ZC3H4: variants seen among roughly 807,000 people sequenced by gnomAD.
ZC3H4 encodes zinc finger CCCH domain-containing protein 4.
A neutral mutation model predicts 108.3 loss-of-function variants in ZC3H4; 13 were observed. That is an observed-to-expected ratio of 0.12 (90% CI 0.08 to 0.19). The LOEUF (loss-of-function observed/expected upper bound fraction) is 0.19, where lower values mean the gene tolerates loss of function less well. Ranked by LOEUF, ZC3H4 falls within the 10% of genes least tolerant of loss-of-function variation. ZC3H4 has a pLI of 1.00. For synonymous variants in ZC3H4, 917 were observed against 749.6 expected (o/e 1.22, Z -3.65); for missense variants, 1,734 against 1,838.8 (o/e 0.94, Z 1.04).
Position 47,066,296 on chromosome 19 carries a change from G to A in ZC3H4, c.*60C>T. ...CCCTTGCCCCCAAGTTCCCTACCCT[G>A]GGTGCTGCCCTGAATGCCACCCTAG... On this transcript the variant is annotated 3_prime_UTR_variant, in exon 15 of 15. Coordinates refer to ENST00000253048, the MANE Select transcript of ZC3H4 (RefSeq NM_015168.2). 7.2e-7 allele frequency: 1 copy of A among 1,389,954 alleles called. No individual in the cohort carries two copies. The highest frequency in any genetic ancestry group is 1.6e-5 in the South Asian group (1 of 61,826). 86.1% of individuals were successfully genotyped at this position (1,389,954 alleles called of 1,614,324 possible).
intron 4 of ZC3H4, among the ~76,000 whole-genome samples, chr19:47,091,386 C>G (rs1350169181): frequency 3.9e-5 from 6 of 151,968 alleles, no homozygotes; most frequent in Non-Finnish European, 7.4e-5. Context: ...GCCTGGCCAA[C>G]ATGGTGAAAC....
In ZC3H4 at chr19:47,085,086, A is replaced by G. The variant is rs774685479; in HGVS notation, c.1077T>C (p.Asp359=). ...TGTCCTCGTCATAGAAGTCTTCGTCATCGTTCATTCCGCCCTTGTTCATCC... is the reference window on the plus strand; with the variant it reads ...TGTCCTCGTCATAGAAGTCTTCGTCGTCGTTCATTCCGCCCTTGTTCATCC... The part of the protein sequence containing the change: ...RGGMNKGGMN[D]DEDFYDEDMG... The change falls in exon 8 of 15, where the codon GAT becomes GAC. Residue 359 remains aspartate (D), a synonymous_variant. Transcript: ENST00000253048. 130 of 1,614,082 alleles carry G rather than the reference A, an allele frequency of 8.1e-5. No individual in the cohort carries two copies. Among genetic ancestry groups the G allele is most frequent in the Non-Finnish European group, 1.1e-4 (126 of 1,180,034 alleles).
At chr19:47,089,737 G>A (rs894048308) in intron 5 of ZC3H4, among the ~76,000 whole-genome samples, 4 of 152,118 alleles carry the variant, frequency 2.6e-5, no homozygotes, top group Admixed American at 1.3e-4. Flanking sequence ...GTGACCTTTC[G>A]GGCACGCTGG....
chr19:47,094,646 T>C, intron 2 of ZC3H4, 38 bp from the exon 3 acceptor site: 1 of 1,607,400 alleles, frequency 6.2e-7, no homozygotes, highest in South Asian at 1.1e-5. Context: ...AACACAGGGT[T>C]TGAGAGGAGA....
intron 2 of ZC3H4, among the ~76,000 whole-genome samples, chr19:47,109,032 A>G (rs998727702): frequency 6.6e-6 from 1 of 152,212 alleles, no homozygotes; most frequent in South Asian, 2.1e-4. Context: ...ATAAAAATGT[A>G]AAAGTTTGTA....
Position 47,081,497 on chromosome 19 carries a change from T to C in ZC3H4, c.1440+16A>G, listed in dbSNP as rs774246055. ...CAGTTCCTGTAGCCGGGGGCCCCGT[T>C]ACCCCCGGACATTACCTTATCCAAG... On this transcript the variant is annotated intron_variant, in intron 11 of 14. Transcript: ENST00000253048. 1.2e-6 allele frequency: 2 copies of C among 1,611,604 alleles called. No homozygotes were observed. Among genetic ancestry groups the C allele is most frequent in the South Asian group, 2.2e-5 (2 of 91,010 alleles).
chr19:47,108,091 T>G (rs1326378812), intron 2 of ZC3H4, among the ~76,000 whole-genome samples: 1 of 152,246 alleles, frequency 6.6e-6, no homozygotes, highest in African/African-American at 2.4e-5. Context: ...AGGCTGCTCC[T>G]ACAGTCTCTG....
In ZC3H4 at chr19:47,066,455, A is replaced by G. The variant is rs761434670; in HGVS notation, c.3813T>C (p.Phe1271=). 3.8e-6 allele frequency: 6 copies of G among 1,580,372 alleles called. No homozygotes were observed. The highest frequency in any genetic ancestry group is 4.3e-6 in the Non-Finnish European group (5 of 1,163,830). Residue 1271 remains phenylalanine (F), a synonymous_variant, in exon 15 of 15, where the codon TTT becomes TTC. Transcript: ENST00000253048. The stretch of plus-strand genomic sequence containing the variant: ...CCTCGCGGGCCGGACTGTTCCCAGC[A>G]AATGGGCTTCCTGAGCCCGTCTTGG... ...QTPKTGSGSP[F]AGNSPAREGE...
At chr19:47,112,287 C>G (rs902420403) in intron 2 of ZC3H4, 137 bp downstream of exon 2, 17 of 1,122,364 alleles carry the variant, frequency 1.5e-5, no homozygotes, top group East Asian at 3.2e-5. Context: ...CGAGAGACAC[C>G]CACCGACCCC....
At position 47,072,201 on chromosome 19, in the gene ZC3H4, G is replaced by A; in HGVS notation, c.1803-80C>T. On this transcript the variant is annotated intron_variant, in intron 12 of 14. Transcript: ENST00000253048. The surrounding 1 kb of genome is among the most constrained non-coding windows in gnomAD (Gnocchi z 5.6). ...CACCCCAGAGGAGAGGCGGAGGGCT[G>A]CAGAGCCGAAGGTCATGGGCCCCAG... The A allele has an allele frequency of 4.9e-6, 7 of 1,419,294 alleles. No homozygotes were observed. In the South Asian group the frequency reaches 1.0e-4, roughly 20 times the overall value. The allele number at this position is 1,419,294 out of a possible 1,614,324, so 87.9% of individuals were successfully genotyped here.
intron 11 of ZC3H4, among the ~76,000 whole-genome samples, chr19:47,079,566 G>A (rs1479477081): frequency 7.2e-6 from 1 of 139,458 alleles, no homozygotes; most frequent in African/African-American, 3.3e-5. Flanking sequence ...TGCTTCCCCT[G>A]TCAAACAGCT....
chr19:47,069,374 C>T (rs940743262), intron 13 of ZC3H4, 31 bp from the exon 14 acceptor site: 20 of 1,599,488 alleles, frequency 1.3e-5, no homozygotes, highest in South Asian at 3.4e-5. Flanking sequence ...GGGTTCATGT[C>T]GGGAAGGGCC....
intron 2 of ZC3H4, among the ~76,000 whole-genome samples, chr19:47,106,479 G>A (rs1392770580): frequency 1.3e-5 from 2 of 152,198 alleles, no homozygotes; most frequent in African/African-American, 2.4e-5. Flanking sequence ...CAAAGCTTTT[G>A]GCTCTGGAGT....
intron 2 of ZC3H4, among the ~76,000 whole-genome samples, chr19:47,111,907 G>A (rs2058044155): frequency 6.6e-6 from 1 of 152,104 alleles, no homozygotes; most frequent in Admixed American, 6.5e-5. Flanking sequence ...CCGGGGGCTG[G>A]GAGACCCCCA....
In ZC3H4 at chr19:47,066,911, A is replaced by T. The variant is rs2057214610; in HGVS notation, c.3357T>A (p.Ala1119=). Residue 1119 remains alanine, a synonymous_variant, in exon 15 of 15, where the codon GCT becomes GCA. Transcript: ENST00000253048. ...CCGCCAGCACGCGGGGGTCGTAGGG[A>T]GCGGTGGCTGGTGGGGAGGCATCCC... The part of the protein sequence containing the change: ...PSGDASPPAT[A]PYDPRVLAAG... 15 of 1,596,234 alleles carry T rather than the reference A, an allele frequency of 9.4e-6. No homozygotes were observed. The highest frequency in any genetic ancestry group is 1.3e-5 in the African/African-American group (1 of 74,630).
At chr19:47,107,643 C>CGTTCAGCAAACTATGCTCTCAGCAAACTA (rs2057983847) in intron 2 of ZC3H4, among the ~76,000 whole-genome samples, 3 of 150,528 alleles carry the variant, frequency 2.0e-5, no homozygotes, top group African/African-American at 7.4e-5. Context: ...GCAAATAATC[C>CGTTCAGCAAACTATGCTCTCAGCAAACTA]TGCGTTCTGT....
rs2057819279 is a variant in ZC3H4, at chr19:47,096,320, C to T, written c.162-1712G>A. ...TGTGCACCTTGTGTTGCTTCCCCGA[C>T]TAGCAAACTTGGAATGGGGCGGGGG... On this transcript the variant is annotated intron_variant, in intron 2 of 14. Coordinates refer to ENST00000253048, the MANE Select transcript of ZC3H4 (RefSeq NM_015168.2). Among the ~76,000 whole-genome samples, 2 of 152,246 alleles carry T rather than the reference C, an allele frequency of 1.3e-5. 1 individual carries two copies. The highest frequency in any genetic ancestry group is 4.1e-4 in the South Asian group (2 of 4,830).
rs532482752 is a variant in ZC3H4, at chr19:47,071,057, CAAAG to C, written c.2146+717_2146+720del. Among the ~76,000 whole-genome samples, 196 of 152,376 alleles carry C rather than the reference CAAAG, an allele frequency of 1.3e-3. 1 individual carries two copies. The highest frequency in any genetic ancestry group is 1.1e-3 in the Non-Finnish European group (77 of 68,042). ...ACGTTGTGAGTGCCGCTTCACTTCT[CAAAG>C]AGACTTTTGTGACTATCCCCACTGA... On this transcript the variant is annotated intron_variant, in intron 13 of 14. Coordinates refer to ENST00000253048, the MANE Select transcript of ZC3H4 (RefSeq NM_015168.2).
chr19:47,071,988 C>CGTGCATGTCAGGGTGCATGTCCGG lies in ZC3H4; in HGVS notation c.1912_1935dup (p.Pro638_His645dup). The CGTGCATGTCAGGGTGCATGTCCGG allele has an allele frequency of 1.3e-6, 2 of 1,579,272 alleles. No homozygotes were observed. The highest frequency in any genetic ancestry group is 1.7e-6 in the Non-Finnish European group (2 of 1,151,706). On this transcript the variant is annotated inframe_insertion, in exon 13 of 15. Coordinates refer to ENST00000253048, the MANE Select transcript of ZC3H4 (RefSeq NM_015168.2). ...ATCGGCATGTCTGCGTGCATGTCTGCGTGCATGTCAGGGTGCATGTCCGGG... is the reference window on the plus strand; with the variant it reads ...ATCGGCATGTCTGCGTGCATGTCTGCGTGCATGTCAGGGTGCATGTCCGGGTGCATGTCAGGGTGCATGTCCGGG...
Sources: allele counts gnomAD v4.1 joint callset (sites outside exome capture counted in the v4.1 genomes callset), GRCh38; gene constraint gnomAD v4.1.1; non-coding constraint Gnocchi (gnomAD v3.1); transcripts MANE v1.5; gene names NCBI Gene and HGNC (gene_info 2026-07-23, HGNC 2026-07-21).